Variants in DSCAML1 observed in about 807,000 individuals in gnomAD.
DSCAML1 encodes the protein cell adhesion molecule DSCAML1.
In DSCAML1, 38 loss-of-function variants were observed where a neutral mutation model predicts 200.5. The observed-to-expected ratio is 0.19, with a 90% CI of 0.15 to 0.25. The LOEUF is 0.25. Among genes scored for constraint, DSCAML1 ranks in the 10% least tolerant of loss-of-function variants. DSCAML1 has a pLI of 1.00. For missense variants in DSCAML1, 2,223 were observed against 2,858.8 expected (o/e 0.78, Z 5.07); for synonymous variants, 1,215 against 1,165.0 (o/e 1.04, Z -0.87).
rs143008634 is a variant in DSCAML1 at position 117,592,761 on chromosome 11, G to C, written c.512-60239C>G. Among the ~76,000 whole-genome samples the C allele has an allele frequency of 2.3e-3, 348 of 152,344 alleles. 4 individuals are homozygous for C. Among genetic ancestry groups the C allele is most frequent in the African/African-American group, 8.0e-3 (333 of 41,578 alleles). On this transcript the variant is annotated intron_variant, in intron 3 of 32. Transcript: ENST00000651296. ...ATGGGGGAAAGCTGAGGCATACAGAGGTGATTCCATGCTGCAAGGTCACCC... is the reference window on the plus strand; with the variant it reads ...ATGGGGGAAAGCTGAGGCATACAGACGTGATTCCATGCTGCAAGGTCACCC...
chr11:117,543,299 C>T (rs2050304937), intron 3 of DSCAML1, among the ~76,000 whole-genome samples: 1 of 152,182 alleles, frequency 6.6e-6, no homozygotes, highest in African/African-American at 2.4e-5. Flanking sequence ...CATGCGCTGG[C>T]ATGTTGTGTA....
At chr11:117,632,077 G>A (rs2052185558) in intron 3 of DSCAML1, among the ~76,000 whole-genome samples, 1 of 152,216 alleles carries the variant, frequency 6.6e-6, no homozygotes, top group Non-Finnish European at 1.5e-5. Flanking sequence ...AACTCTGCCC[G>A]ATGTCGACAG....
intron 1 of DSCAML1, among the ~76,000 whole-genome samples, chr11:117,817,211 A>G (rs1475585213): frequency 1.3e-5 from 2 of 152,218 alleles, no homozygotes; most frequent in Non-Finnish European, 1.5e-5. Flanking sequence ...GAGACCCTGC[A>G]ACCCCATTGC....
intron 3 of DSCAML1, among the ~76,000 whole-genome samples, chr11:117,537,926 C>T (rs560672070): frequency 3.3e-4 from 51 of 152,330 alleles, no homozygotes; most frequent in Admixed American, 3.3e-4. Context: ...TTTAAAGCCA[C>T]CCAGTTTGCA....
At position 117,780,762 on chromosome 11, in the gene DSCAML1, A is replaced by C; in HGVS notation, c.95T>G (p.Leu32Trp). 3.3e-6 allele frequency: 5 copies of C among 1,524,712 alleles called. No individual in the cohort carries two copies. The highest frequency in any genetic ancestry group is 4.4e-6 in the Non-Finnish European group (5 of 1,138,390). 94.4% of individuals were successfully genotyped at this position (1,524,712 alleles called of 1,614,324 possible). ...GTSLYFVNDS[L>W]QQVTFSSSVG... ...GGAGCTGGAAAAGGTCACCTGCTGC[A>C]AGGAGTCATTTACAAAGTAGAGGCT... The change falls in exon 2 of 33, where the codon TTG becomes TGG. Residue 32 changes from leucine to tryptophan, a missense_variant. Transcript: ENST00000651296. The surrounding 1 kb of genome is among the most constrained non-coding windows in gnomAD (Gnocchi z 4.8).
intron 3 of DSCAML1, among the ~76,000 whole-genome samples, chr11:117,665,420 G>A (rs547946473): frequency 1.3e-5 from 2 of 152,208 alleles, no homozygotes; most frequent in Non-Finnish European, 2.9e-5. Context: ...CACAGAGTAC[G>A]CGAGCTGTGG....
intron 1 of DSCAML1, among the ~76,000 whole-genome samples, chr11:117,812,855 AG>A (rs1392594743): frequency 6.6e-6 from 1 of 151,168 alleles, no homozygotes; most frequent in African/African-American, 2.4e-5. Context: ...CGCACACTGT[AG>A]CCTTTCTGTG....
chr11:117,788,366 A>AGTG (rs1351285454), intron 1 of DSCAML1, among the ~76,000 whole-genome samples: 2 of 152,074 alleles, frequency 1.3e-5, no homozygotes, highest in Admixed American at 6.6e-5. Flanking sequence ...TGGCTCTGTC[A>AGTG]CCCAGGCTGG....
intron 3 of DSCAML1, among the ~76,000 whole-genome samples, chr11:117,665,192 A>C (rs905945520): frequency 1.3e-5 from 2 of 152,198 alleles, no homozygotes; most frequent in African/African-American, 2.4e-5. Flanking sequence ...ATGTGGGCCC[A>C]GTCTCCCTGA....
At chr11:117,666,097 G>C (rs1281231227) in intron 3 of DSCAML1, among the ~76,000 whole-genome samples, 1 of 152,138 alleles carries the variant, frequency 6.6e-6, no homozygotes, top group Non-Finnish European at 1.5e-5. Context: ...TGCTCCGAGG[G>C]GCTGTTTGTT....
intron 20 of DSCAML1, among the ~76,000 whole-genome samples, chr11:117,445,205 GC>G (rs1254922259): frequency 6.6e-6 from 1 of 152,164 alleles, no homozygotes; most frequent in East Asian, 1.9e-4. Flanking sequence ...ATCCTTTTTG[GC>G]CCCAGGCCAT....
chr11:117,636,832 A>G (rs983507252), intron 3 of DSCAML1, among the ~76,000 whole-genome samples: 9 of 152,222 alleles, frequency 5.9e-5, no homozygotes, highest in African/African-American at 2.2e-4. Flanking sequence ...CTTATACATG[A>G]AAAGAGCCTG....
intron 3 of DSCAML1, among the ~76,000 whole-genome samples, chr11:117,545,808 C>T (rs1848134700): frequency 6.6e-6 from 1 of 152,176 alleles, no homozygotes; most frequent in African/African-American, 2.4e-5. Flanking sequence ...TCATCTGCAC[C>T]CTCAATCAAA....
chr11:117,576,904 C>T (rs867761354), intron 3 of DSCAML1, among the ~76,000 whole-genome samples: 1 of 152,298 alleles, frequency 6.6e-6, no homozygotes, highest in Middle Eastern at 3.4e-3. Flanking sequence ...AGGCTTATTA[C>T]CATTGATCTG....
At chr11:117,467,838 C>G (rs997604192) in intron 16 of DSCAML1, among the ~76,000 whole-genome samples, 1 of 152,152 alleles carries the variant, frequency 6.6e-6, no homozygotes, top group Non-Finnish European at 1.5e-5. Flanking sequence ...CTCTTCACAT[C>G]GACCCCCATT....
chr11:117,493,810 T>A (rs1033907208), intron 11 of DSCAML1, among the ~76,000 whole-genome samples: 1 of 152,062 alleles, frequency 6.6e-6, no homozygotes, highest in African/African-American at 2.4e-5. Context: ...GTATTTTTTG[T>A]AGAGATGGGA....
chr11:117,571,434 G>A (rs929263741), intron 3 of DSCAML1, among the ~76,000 whole-genome samples: 2 of 152,170 alleles, frequency 1.3e-5, no homozygotes, highest in East Asian at 3.9e-4. Context: ...CTGGAAGGAG[G>A]AGCCCACTCT....
At chr11:117,644,502 T>C (rs1383368857) in intron 3 of DSCAML1, among the ~76,000 whole-genome samples, 1 of 152,242 alleles carries the variant, frequency 6.6e-6, no homozygotes, top group African/African-American at 2.4e-5. Flanking sequence ...TCTCTTGCCC[T>C]AAATTGAGCC....
At chr11:117,548,510 GTTC>G (rs1330430391) in intron 3 of DSCAML1, among the ~76,000 whole-genome samples, 1 of 152,180 alleles carries the variant, frequency 6.6e-6, no homozygotes, top group Non-Finnish European at 1.5e-5. Flanking sequence ...TTTCCAGACA[GTTC>G]ACGGCTCCCA....
Sources: gnomAD v4.1 joint callset for allele counts (sites outside exome capture counted in the v4.1 genomes callset) on GRCh38, gnomAD v4.1.1 for gene constraint, Gnocchi (gnomAD v3.1) non-coding constraint, MANE v1.5 for transcripts, NCBI Gene and HGNC (gene_info 2026-07-23, HGNC 2026-07-21) for gene names.